Variants in CNTNAP3B observed in about 807,000 individuals in gnomAD.
CNTNAP3B encodes contactin associated protein family member 3B, also known as contactin-associated protein-like 3B.
In CNTNAP3B, 25 loss-of-function variants were observed where a neutral mutation model predicts 108.9. The ratio of observed to expected loss-of-function variants is 0.23; its 90% CI spans 0.17 to 0.32. The LOEUF (loss-of-function observed/expected upper bound fraction) is 0.32. Among genes scored for constraint, CNTNAP3B ranks in the 10% least tolerant of loss-of-function variants. The pLI, the probability that CNTNAP3B is intolerant of heterozygous loss-of-function variation, is 1.00. For missense variants in CNTNAP3B, 252 were observed against 1,210.4 expected (o/e 0.21, Z 11.75); for synonymous variants, 103 against 473.4 (o/e 0.22, Z 10.16).
rs549013455 is a variant in CNTNAP3B, at chr9:41,924,948, A to T, written c.2366-855T>A. ...ACTCATGATTGGATTCATGTTGTGC[A>T]TTTTTGTCAAAAATACCACAGAAGG... On this transcript the variant is annotated intron_variant, in intron 15 of 23. Coordinates refer to ENST00000377561, the MANE Select transcript of CNTNAP3B (RefSeq NM_001201380.3). Among the ~76,000 whole-genome samples, 40 of 152,116 alleles carry T rather than the reference A, an allele frequency of 2.6e-4. No individual in the cohort carries two copies. In the East Asian group the frequency reaches 7.5e-3, roughly 29 times the overall value.
At chr9:42,127,607 A>T (rs547451246) in intron 1 of CNTNAP3B, among the ~76,000 whole-genome samples, 1 of 139,886 alleles carries the variant, frequency 7.1e-6, no homozygotes, top group Non-Finnish European at 1.5e-5. Flanking sequence ...GGCAGTTTCC[A>T]TTACAAGACC....
chr9:41,932,757 A>T (rs1349039058), intron 14 of CNTNAP3B, among the ~76,000 whole-genome samples: 1 of 151,742 alleles, frequency 6.6e-6, no homozygotes, highest in Admixed American at 6.6e-5. Flanking sequence ...TGACTTCATG[A>T]TCTGCCCGCC....
intron 10 of CNTNAP3B, among the ~76,000 whole-genome samples, chr9:41,966,933 C>T (rs1719203737): frequency 6.6e-6 from 1 of 150,400 alleles, no homozygotes; most frequent in Non-Finnish European, 1.5e-5. Context: ...TGCCACTGCA[C>T]TCCAGCCTGG....
chr9:42,108,289 A>G (rs1828122283), intron 1 of CNTNAP3B, among the ~76,000 whole-genome samples: 1 of 131,840 alleles, frequency 7.6e-6, no homozygotes. Flanking sequence ...ATTATTTCAC[A>G]TTTATTCTCA....
intron 9 of CNTNAP3B, among the ~76,000 whole-genome samples, chr9:41,971,043 A>T (rs1587163626): frequency 6.7e-6 from 1 of 149,988 alleles, no homozygotes; most frequent in Non-Finnish European, 1.5e-5. Context: ...AAATTTCACT[A>T]CAATCGTCAG....
At chr9:41,921,684 C>G (rs905827641) in intron 17 of CNTNAP3B, among the ~76,000 whole-genome samples, 2 of 152,284 alleles carry the variant, frequency 1.3e-5, no homozygotes, top group African/African-American at 4.8e-5. Flanking sequence ...AGTAAGTAAG[C>G]AAACTAAAGG....
chr9:41,973,812 G>C (rs1306180945), intron 9 of CNTNAP3B, among the ~76,000 whole-genome samples: 2 of 133,772 alleles, frequency 1.5e-5, no homozygotes, highest in Non-Finnish European at 3.2e-5. Flanking sequence ...ATAGAAGATA[G>C]GTCTGCATCT....
Position 42,110,717 on chromosome 9 carries a change from G to A in CNTNAP3B, c.86-5978C>T, listed in dbSNP as rs1384634044. ...CCATACCTTCTTCAGGCCACGTCTG[G>A]ATGTTCATCTGGATACGGCGCTATT... is the stretch of plus-strand genomic sequence containing the variant. On this transcript the variant is annotated intron_variant, in intron 1 of 23. Transcript: ENST00000377561. 1.5e-5 allele frequency among the ~76,000 whole-genome samples: 2 copies of A among 136,602 alleles called. 1 individual carries two copies. The highest frequency in any genetic ancestry group is 5.9e-5 in the African/African-American group (2 of 34,136). 89.6% of individuals were successfully genotyped at this position (136,602 alleles called of 152,430 possible). A position where few individuals can be genotyped will look rare whatever the true frequency, so the allele number is the denominator to read the frequency against.
At chr9:42,056,326 T>TTTTATTATTA (rs1554753495) in intron 3 of CNTNAP3B, among the ~76,000 whole-genome samples, 1,311 of 128,912 alleles carry the variant, frequency 0.01, 20 homozygotes, top group Admixed American at 0.014. Context: ...TCTCATGAAT[T>TTTTATTATTA]TTATTATTAT....
intron 3 of CNTNAP3B, among the ~76,000 whole-genome samples, chr9:42,029,637 T>A (rs1826476558): frequency 8.1e-6 from 1 of 123,586 alleles, no homozygotes; most frequent in Non-Finnish European, 1.7e-5. Flanking sequence ...TTCAGGAGAT[T>A]CTCCTGCCTC....
chr9:42,063,804 C>A (rs1195175898), intron 3 of CNTNAP3B, among the ~76,000 whole-genome samples: 1 of 147,252 alleles, frequency 6.8e-6, no homozygotes, highest in Admixed American at 6.7e-5. Context: ...TCACTGCAAC[C>A]TCAAACTCCT....
At chr9:41,925,388 T>A (rs1459854431) in intron 15 of CNTNAP3B, among the ~76,000 whole-genome samples, 1 of 152,214 alleles carries the variant, frequency 6.6e-6, no homozygotes, top group Non-Finnish European at 1.5e-5. Flanking sequence ...GGTCAGGAGA[T>A]CCAGACCATC....
At chr9:42,079,606 C>G (rs1827569304) in intron 2 of CNTNAP3B, among the ~76,000 whole-genome samples, 1 of 133,762 alleles carries the variant, frequency 7.5e-6, no homozygotes. Flanking sequence ...ACTGCAACCT[C>G]CAACTCCCTG....
intron 18 of CNTNAP3B, among the ~76,000 whole-genome samples, chr9:41,918,315 G>T (rs199654697): frequency 0.08 from 9,334 of 116,626 alleles, 2 homozygotes; most frequent in East Asian, 0.15. Flanking sequence ...TGTCTGGATA[G>T]AAAGGCTAAT....
chr9:41,966,552 C>A (rs1377484554), intron 10 of CNTNAP3B, among the ~76,000 whole-genome samples: 4 of 152,182 alleles, frequency 2.6e-5, no homozygotes, highest in African/African-American at 9.6e-5. Context: ...ACAGAGGCCT[C>A]CCTGCTCAGG....
At chr9:41,919,469 C>G (rs1362718155) in intron 18 of CNTNAP3B, among the ~76,000 whole-genome samples, 1 of 152,304 alleles carries the variant, frequency 6.6e-6, no homozygotes, top group Non-Finnish European at 1.5e-5. Context: ...TACCCCACTG[C>G]ACTCCTCTAA....
At chr9:42,010,381 G>A (rs1400259405) in intron 4 of CNTNAP3B, among the ~76,000 whole-genome samples, 40 of 149,114 alleles carry the variant, frequency 2.7e-4, no homozygotes, top group Admixed American at 2.5e-3. Flanking sequence ...AATCATGCAA[G>A]GTGTAATTTG....
Position 42,118,230 on chromosome 9 carries a change from G to T in CNTNAP3B, c.85+10780C>A, listed in dbSNP as rs549746848. On this transcript the variant is annotated intron_variant, in intron 1 of 23. Coordinates refer to ENST00000377561, the MANE Select transcript of CNTNAP3B (RefSeq NM_001201380.3). ...CTGGCAGAGACACAAACAAAAAAGAGAATTTTAGACCAATATCCTTGATGA... is the reference window on the plus strand; with the variant it reads ...CTGGCAGAGACACAAACAAAAAAGATAATTTTAGACCAATATCCTTGATGA... 9.9e-3 allele frequency among the ~76,000 whole-genome samples: 1,369 copies of T among 138,570 alleles called. 306 individuals are homozygous for T. Among genetic ancestry groups the T allele is most frequent in the African/African-American group, 0.037 (1,287 of 34,832 alleles). 90.9% of individuals were successfully genotyped at this position (138,570 alleles called of 152,430 possible).
intron 2 of CNTNAP3B, among the ~76,000 whole-genome samples, chr9:42,081,328 CA>C (rs1438910818): frequency 6.7e-6 from 1 of 148,926 alleles, no homozygotes. Context: ...TAAATGTTCA[CA>C]CAACATAGGA....
Sources: allele counts gnomAD v4.1 joint callset (sites outside exome capture counted in the v4.1 genomes callset), GRCh38; gene constraint gnomAD v4.1.1; transcripts MANE v1.5; gene names NCBI Gene and HGNC (gene_info 2026-07-23, HGNC 2026-07-21).